The following ZFYVE26 variants were observed in gnomAD, a reference collection of about 807,000 sequenced individuals.
The protein encoded by ZFYVE26 is zinc finger FYVE domain-containing protein 26.
In ZFYVE26, 181 loss-of-function variants were observed where a neutral mutation model predicts 276.5. The observed-to-expected ratio is 0.65, with a 90% CI of 0.58 to 0.74. The LOEUF is 0.74. Ranked by LOEUF, ZFYVE26 falls within the 30% of genes least tolerant of loss-of-function variation. The probability of loss-of-function intolerance (pLI) is 0.00; values close to 1 mark genes in which losing one functional copy is unlikely to be tolerated. For missense variants in ZFYVE26, 2,821 were observed against 3,097.9 expected (o/e 0.91, Z 2.12); for synonymous variants, 1,129 against 1,203.1 (o/e 0.94, Z 1.27).
In ZFYVE26 at chr14:67,761,414, G is replaced by A. The variant is rs142224979; in HGVS notation, c.6540C>T (p.Tyr2180=). The A allele has an allele frequency of 3.7e-6, 6 of 1,613,978 alleles. No homozygotes were observed. The highest frequency in any genetic ancestry group is 1.6e-4 in the Middle Eastern group (1 of 6,084). ...YSTNLAIISF[Y]VRHSCLREAL... is the part of the protein sequence containing the mutation. ...CTTCCCGCAGGCAGCTGTGCCTCAC[G>A]TAGAAGCTGATGATGGCCAGGTTGG... Residue 2180 remains tyrosine (Y), a synonymous_variant, in exon 35 of 42, where the codon TAC becomes TAT. Transcript: ENST00000347230.
intron 23 of ZFYVE26, 74 bp downstream of exon 23, chr14:67,780,167 G>T: frequency 1.5e-6 from 2 of 1,303,952 alleles, no homozygotes; most frequent in Non-Finnish European, 1.1e-6. Flanking sequence ...TGCAGAAAGG[G>T]GCTTATACAG....
chr14:67,777,741 G>T lies in ZFYVE26; in HGVS notation c.4798-6C>A. 1.2e-6 allele frequency: 2 copies of T among 1,614,198 alleles called. No individual in the cohort carries two copies. The highest frequency in any genetic ancestry group is 1.7e-6 in the Non-Finnish European group (2 of 1,180,032). On this transcript the variant is annotated splice_polypyrimidine_tract_variant and splice_region_variant and intron_variant, in intron 24 of 41. Transcript: ENST00000347230. The stretch of plus-strand genomic sequence containing the variant: ...TCAGGGATTCTTCGCAGGAGCTATT[G>T]TCAAAGGGTAGAGGAGGAAGGTGTG...
At chr14:67,753,059 A>G (rs2140181830) in intron 39 of ZFYVE26, among the ~76,000 whole-genome samples, 1 of 152,266 alleles carries the variant, frequency 6.6e-6, no homozygotes, top group South Asian at 2.1e-4. Context: ...AGCTCTGTCC[A>G]ACACCAAAAA....
chr14:67,805,154 C>T lies in ZFYVE26; in HGVS notation c.1271+63G>A, dbSNP rs970071121. On this transcript the variant is annotated intron_variant, in intron 8 of 41. Transcript: ENST00000347230. ...TGGAAAACGCCTTGAAATGGCCACA[C>T]ATGCGGAGCACAGGGTCAGCTGTGC... 189 of 1,517,404 alleles carry T rather than the reference C, an allele frequency of 1.2e-4. 3 individuals are homozygous for T. In the South Asian group the frequency reaches 1.8e-3, roughly 15 times the overall value. The allele number at this position is 1,517,404 out of a possible 1,614,324, so 94.0% of individuals were successfully genotyped here.
rs769763847 is a variant in ZFYVE26, at chr14:67,807,654, C to T, written c.630G>A (p.Val210=). 8.1e-6 allele frequency: 13 copies of T among 1,614,062 alleles called. No homozygotes were observed. The Admixed American group carries it at 1.8e-4, about 23-fold the overall frequency. Residue 210 remains valine (V), a synonymous_variant, in exon 5 of 42, where the codon GTG becomes GTA. Coordinates refer to ENST00000347230, the MANE Select transcript of ZFYVE26 (RefSeq NM_015346.4). ...AGATGGCATCGACTACCCCAGGGGG[C>T]ACCGAATCAGGGCCCTGCAAAGCCC... is the stretch of plus-strand genomic sequence containing the variant. The part of the protein sequence containing the change: ...ALRALQGPDS[V]PPGVVDAIYG...
At chr14:67,735,585 T>C (rs914206212) in intron 13 of ZFYVE26, among the ~76,000 whole-genome samples, 3 of 152,230 alleles carry the variant, frequency 2.0e-5, no homozygotes, top group Admixed American at 2.0e-4. Context: ...CTTCCTGCCT[T>C]GGCAGAGTGC....
intron 23 of ZFYVE26, 87 bp from the exon 24 acceptor site, chr14:67,778,335 GT>G: frequency 6.4e-7 from 1 of 1,555,760 alleles, no homozygotes; most frequent in Non-Finnish European, 8.9e-7. Flanking sequence ...CCCCAGGAAT[GT>G]TTATAAGTGC....
intron 28 of ZFYVE26, chr14:67,770,522 C>T (rs1440008193): frequency 6.7e-6 from 1 of 149,002 alleles, no homozygotes; most frequent in Non-Finnish European, 1.5e-5. Flanking sequence ...TTTAATTTTA[C>T]ACACAAATTC....
intron 26 of ZFYVE26, 37 bp from the exon 27 acceptor site, chr14:67,775,151 A>G (rs1485571456): frequency 2.8e-6 from 4 of 1,444,740 alleles, no homozygotes; most frequent in Middle Eastern, 1.8e-4. Flanking sequence ...ATATGGTTCT[A>G]CCATAAGTAT....
intron 13 of ZFYVE26, chr14:67,733,886 T>C: frequency 6.7e-7 from 1 of 1,481,514 alleles, no homozygotes. Context: ...GCCCAATCCA[T>C]GCCATAATGA....
rs2038516187 is a variant in ZFYVE26 at position 67,747,606 on chromosome 14, A to G, written c.*830T>C. 6.6e-6 allele frequency: 1 copy of G among 152,578 alleles called. No homozygotes were observed. Among genetic ancestry groups the G allele is most frequent in the Non-Finnish European group, 1.5e-5 (1 of 68,364 alleles). The allele number at this position is 152,578 out of a possible 1,614,324, so 9.5% of individuals were successfully genotyped here. On this transcript the variant is annotated 3_prime_UTR_variant, in exon 42 of 42. Transcript: ENST00000347230. ...CACCCACCAACTTTGCAGCAGGGAC[A>G]TTCACAACAGGCAGCTCTGTGCTTG...
rs376715376 is a variant in ZFYVE26, at chr14:67,762,623, A to T, written c.6159+49T>A. ...CTGTTTGCAAGGCTAAGCAAAAGCA[A>T]CTTGCTACAGTGGGGTGGAAGTAAG... On this transcript the variant is annotated intron_variant, in intron 33 of 41. Coordinates refer to ENST00000347230, the MANE Select transcript of ZFYVE26 (RefSeq NM_015346.4). 1.9e-6 allele frequency: 3 copies of T among 1,609,448 alleles called. No individual in the cohort carries two copies. In the African/African-American group the frequency reaches 4.0e-5, roughly 21 times the overall value.
chr14:67,799,108 C>T, intron 10 of ZFYVE26: 1 of 1,313,580 alleles, frequency 7.6e-7, no homozygotes, highest in Non-Finnish European at 1.1e-6. Context: ...TCACCCAAGA[C>T]CTAGACTAGG....
chr14:67,745,929 C>CAAAAAA (rs61448179), downstream of ZFYVE26, among the ~76,000 whole-genome samples: 9 of 57,524 alleles, frequency 1.6e-4, no homozygotes, highest in African/African-American at 3.0e-4. Context: ...GACCCTGTCT[C>CAAAAAA]AAAAAAAAAA....
At chr14:67,780,131 A>AT in intron 23 of ZFYVE26, 110 bp downstream of exon 23, 2 of 1,087,148 alleles carry the variant, frequency 1.8e-6, no homozygotes, top group Non-Finnish European at 1.4e-6. Context: ...TGGTATAGTT[A>AT]TTTTTTTAAA....
intron 27 of ZFYVE26, among the ~76,000 whole-genome samples, chr14:67,772,877 C>T (rs2039249620): frequency 6.6e-6 from 1 of 152,090 alleles, no homozygotes; most frequent in Non-Finnish European, 1.5e-5. Context: ...GGGAGGATTG[C>T]TTGAGCCCAG....
Position 67,766,280 on chromosome 14 carries a change from G to A in ZFYVE26, c.5958C>T (p.Ala1986=), listed in dbSNP as rs371142658. The A allele has an allele frequency of 1.1e-5, 17 of 1,613,986 alleles. No individual in the cohort carries two copies. The highest frequency in any genetic ancestry group is 1.7e-4 in the Middle Eastern group (1 of 5,910). ...GGCCGGCTTTGACGAACATCATCTT[G>A]GCGCTGAACAGCAGCTGCTTCATGA... is the stretch of plus-strand genomic sequence containing the variant. ...TDIMKQLLFS[A]KMMFVKAGQS... is the part of the protein sequence containing the mutation. Residue 1986 remains alanine, a synonymous_variant, in exon 32 of 42, where the codon GCC becomes GCT. Transcript: ENST00000347230.
chr14:67,776,452 G>A (rs562794708), intron 25 of ZFYVE26, among the ~76,000 whole-genome samples: 27 of 152,354 alleles, frequency 1.8e-4, no homozygotes, highest in Non-Finnish European at 2.8e-4. Flanking sequence ...ATAGTTGCAC[G>A]TGTGTTCCAA....
rs1428712310 is a variant in ZFYVE26 at position 67,746,694 on chromosome 14, A to G, written c.*1742T>C. ...TGGTTGCCTATAATTTGATAGTTCA[A>G]TGAGTTAGAGGAAAATGTCAGGAAA... On this transcript the variant is annotated 3_prime_UTR_variant, in exon 42 of 42. Transcript: ENST00000347230. 2 of 152,500 alleles carry G rather than the reference A, an allele frequency of 1.3e-5. No individual in the cohort carries two copies. Among genetic ancestry groups the G allele is most frequent in the African/African-American group, 2.4e-5 (1 of 41,430 alleles). The allele number at this position is 152,500 out of a possible 1,614,324, so 9.4% of individuals were successfully genotyped here.
Sources: gnomAD v4.1 joint callset for allele counts (sites outside exome capture counted in the v4.1 genomes callset) on GRCh38, gnomAD v4.1.1 for gene constraint, MANE v1.5 for transcripts, NCBI Gene and HGNC (gene_info 2026-07-23, HGNC 2026-07-21) for gene names.